Variants in ELAVL4 observed in about 807,000 individuals in gnomAD.
The protein encoded by ELAVL4 is ELAV-like protein 4.
In ELAVL4, 1 loss-of-function variant was observed where a neutral mutation model predicts 35.6. The observed-to-expected ratio is 0.03, with a 90% CI of 0.01 to 0.13. The LOEUF is 0.13. Among genes scored for constraint, ELAVL4 ranks in the 10% least tolerant of loss-of-function variants. The probability of loss-of-function intolerance (pLI) is 1.00; values close to 1 mark genes in which losing one functional copy is unlikely to be tolerated. For missense variants in ELAVL4, 267 were observed against 464.9 expected, an observed-to-expected ratio of 0.57 and a Z score of 3.91; for synonymous variants, 156 against 171.0, an observed-to-expected ratio of 0.91 and a Z score of 0.69.
chr1:50,101,492 G>T (rs1243185007), upstream of ELAVL4, among the ~76,000 whole-genome samples: 1 of 152,108 alleles, frequency 6.6e-6, no homozygotes, highest in Admixed American at 6.6e-5. Flanking sequence ...TTTTTTTAAA[G>T]AATATTTTTT....
intron 1 of ELAVL4, chr1:50,110,052 T>C: frequency 6.7e-7 from 1 of 1,491,864 alleles, no homozygotes. Flanking sequence ...TGTGTAAGGA[T>C]GCTGGACTGT....
At chr1:50,095,783 AG>A (rs1020896851) in intron 1 of ELAVL4, among the ~76,000 whole-genome samples, 1 of 152,182 alleles carries the variant, frequency 6.6e-6, no homozygotes, top group African/African-American at 2.4e-5. Flanking sequence ...GCACAAATTC[AG>A]GGGGCAAACC....
At chr1:50,134,547 G>T (rs922068445) in intron 1 of ELAVL4, among the ~76,000 whole-genome samples, 3 of 152,070 alleles carry the variant, frequency 2.0e-5, no homozygotes, top group African/African-American at 7.2e-5. Flanking sequence ...TTTTCCAATC[G>T]ATTTTCTTTT....
chr1:50,130,473 A>T (rs1047295392), intron 1 of ELAVL4, among the ~76,000 whole-genome samples: 1 of 152,148 alleles, frequency 6.6e-6, no homozygotes, highest in Non-Finnish European at 1.5e-5. Context: ...GTATGTAAAG[A>T]CACCTCTCAC....
intron 1 of ELAVL4, among the ~76,000 whole-genome samples, chr1:50,135,900 T>C (rs1671803948): frequency 6.6e-6 from 1 of 152,078 alleles, no homozygotes; most frequent in African/African-American, 2.4e-5. Flanking sequence ...TGTAATTTGG[T>C]TGGAAGGGTG....
At chr1:50,078,787 T>A (rs1233819513) in intron 1 of ELAVL4, among the ~76,000 whole-genome samples, 1 of 152,180 alleles carries the variant, frequency 6.6e-6, no homozygotes, top group African/African-American at 2.4e-5. Context: ...CCTGTGCAAA[T>A]CCCACATCCT....
intron 5 of ELAVL4, among the ~76,000 whole-genome samples, chr1:50,196,131 C>A (rs572053212): frequency 6.6e-6 from 1 of 152,362 alleles, no homozygotes; most frequent in African/African-American, 2.4e-5. Flanking sequence ...TAAGGCTGGA[C>A]AGTGGCTTTT....
In ELAVL4 at chr1:50,202,686, A is replaced by T. The variant is rs1644435651; in HGVS notation, c.*1508A>T. The T allele has an allele frequency of 6.6e-6, 1 of 152,062 alleles. No individual in the cohort carries two copies. Among genetic ancestry groups the T allele is most frequent in the Admixed American group, 6.5e-5 (1 of 15,270 alleles). 9.4% of individuals were successfully genotyped at this position (152,062 alleles called of 1,614,324 possible). On this transcript the variant is annotated 3_prime_UTR_variant, in exon 7 of 7. Coordinates refer to ENST00000371824, the MANE Select transcript of ELAVL4 (RefSeq NM_001144774.3). ...TATACAATATAAATATATATATATA[A>T]AGTTATTTTTTCTTTGGGTTAATTT...
Position 50,109,214 on chromosome 1 carries a change from T to C in ELAVL4, c.9+16T>C. ...AATGGTTATGGTAGGTATGACTAGATTTATAATCTGTTGTTTGTGTTGCTG... is the reference window on the plus strand; with the variant it reads ...AATGGTTATGGTAGGTATGACTAGACTTATAATCTGTTGTTTGTGTTGCTG... On this transcript the variant is annotated intron_variant, in intron 1 of 6. Transcript: ENST00000371824. The C allele has an allele frequency of 6.2e-7, 1 of 1,612,098 alleles. No homozygotes were observed. Among genetic ancestry groups the C allele is most frequent in the Non-Finnish European group, 8.5e-7 (1 of 1,178,860 alleles).
At chr1:50,113,341 C>T (rs964733266) in intron 1 of ELAVL4, among the ~76,000 whole-genome samples, 1 of 151,732 alleles carries the variant, frequency 6.6e-6, no homozygotes, top group African/African-American at 2.4e-5. Context: ...TTCATTTAGC[C>T]CTGAGCATCT....
intron 2 of ELAVL4, among the ~76,000 whole-genome samples, chr1:50,172,479 A>G (rs1228065636): frequency 6.6e-6 from 1 of 152,160 alleles, no homozygotes; most frequent in Non-Finnish European, 1.5e-5. Flanking sequence ...AATGATCTAG[A>G]TCGGAAGATA....
intron 1 of ELAVL4, among the ~76,000 whole-genome samples, chr1:50,063,953 C>T (rs1280462074): frequency 6.6e-6 from 1 of 151,854 alleles, no homozygotes; most frequent in Non-Finnish European, 1.5e-5. Context: ...GACATTTAAA[C>T]TAAGGAATAA....
intron 1 of ELAVL4, among the ~76,000 whole-genome samples, chr1:50,081,775 C>T (rs1665017656): frequency 6.6e-6 from 1 of 152,164 alleles, no homozygotes; most frequent in Admixed American, 6.5e-5. Flanking sequence ...GTTTGCTGCA[C>T]CCATCAACCC....
intron 3 of ELAVL4, among the ~76,000 whole-genome samples, chr1:50,183,711 C>T (rs1199219182): frequency 6.6e-6 from 1 of 152,270 alleles, no homozygotes; most frequent in East Asian, 1.9e-4. Context: ...GCGCCTCCCC[C>T]TCTCCTCCCT....
upstream of ELAVL4, among the ~76,000 whole-genome samples, chr1:50,103,224 C>G (rs1666081193): frequency 6.6e-6 from 1 of 152,134 alleles, no homozygotes; most frequent in African/African-American, 2.4e-5. Flanking sequence ...CCCACAGTAG[C>G]ATTCTTCTAG....
intron 1 of ELAVL4, among the ~76,000 whole-genome samples, chr1:50,134,954 G>T (rs1443525858): frequency 1.3e-5 from 2 of 152,122 alleles, no homozygotes; most frequent in African/African-American, 2.4e-5. Flanking sequence ...AGGGGAAATG[G>T]GTGTGATGTG....
chr1:50,109,016 C>CGGGGGGGCGGGG lies in ELAVL4; in HGVS notation c.-174_-173insGGGGGGGCGGGG. 1.1e-6 allele frequency: 1 copy of CGGGGGGGCGGGG among 905,788 alleles called. No individual in the cohort carries two copies. Among genetic ancestry groups the CGGGGGGGCGGGG allele is most frequent in the Non-Finnish European group, 1.3e-6 (1 of 761,402 alleles). The allele number at this position is 905,788 out of a possible 1,614,324, so 56.1% of individuals were successfully genotyped here. On this transcript the variant is annotated 5_prime_UTR_variant, in exon 1 of 7. Coordinates refer to ENST00000371824, the MANE Select transcript of ELAVL4 (RefSeq NM_001144774.3). The stretch of plus-strand genomic sequence containing the variant: ...CTCCTTTTCTTTTTTTTCTTTCTCT[C>CGGGGGGGCGGGG]CCCCGCCCACCCCCCCAAAAATAAT...
upstream of ELAVL4, chr1:50,103,891 G>A (rs1666116047): frequency 1.4e-5 from 23 of 1,608,148 alleles, no homozygotes; most frequent in Non-Finnish European, 2.0e-5. Flanking sequence ...GGAGGGACTG[G>A]TGTGAAGAGA....
chr1:50,197,368 T>C, intron 5 of ELAVL4, 61 bp from the exon 6 acceptor site: 2 of 1,501,844 alleles, frequency 1.3e-6, no homozygotes, highest in Non-Finnish European at 1.8e-6. Flanking sequence ...TATTAATAGT[T>C]CCATTGAGCG....
Sources: gnomAD v4.1 joint callset for allele counts (sites outside exome capture counted in the v4.1 genomes callset) on GRCh38, gnomAD v4.1.1 for gene constraint, MANE v1.5 for transcripts, NCBI Gene and HGNC (gene_info 2026-07-23, HGNC 2026-07-21) for gene names.